TBC1D17: variants seen among roughly 807,000 people sequenced by gnomAD.
TBC1D17 encodes TBC1 domain family member 17.
TBC1D17 carries 69 observed loss-of-function variants against 78.8 expected under a neutral mutation model. The observed-to-expected ratio is 0.88, with a 90% CI of 0.72 to 1.07. The LOEUF (loss-of-function observed/expected upper bound fraction) is 1.07. Ranked by LOEUF, TBC1D17 falls within the 50% of genes least tolerant of loss-of-function variation. The pLI is 0.00. For synonymous variants in TBC1D17, 456 were observed against 358.3 expected, an observed-to-expected ratio of 1.27 and a Z score of -3.08; for missense variants, 957 against 861.0, an observed-to-expected ratio of 1.11 and a Z score of -1.39.
Position 49,884,310 on chromosome 19 carries a change from C to G in TBC1D17, c.1184C>G (p.Pro395Arg), listed in dbSNP as rs201849933. The G allele has an allele frequency of 1.2e-5, 20 of 1,613,996 alleles. No homozygotes were observed. In the Admixed American group the frequency reaches 3.3e-4, roughly 27 times the overall value. The change falls in exon 11 of 17, where the codon CCG becomes CGG. Residue 395 changes from proline (P) to arginine (R), a missense_variant. Physicochemically the swap from Pro to Arg is moderately radical, Grantham distance 103. Transcript: ENST00000221543. ...AAGTTCTACGAGGGTCCCGAGAACC[C>G]GGGGCTGGGCCTGCTGAACGATATC... ...TNKFYEGPEN[P>R]GLGLLNDILL...
chr19:49,884,042 G>A (rs2075037985), intron 10 of TBC1D17, among the ~76,000 whole-genome samples: 1 of 152,202 alleles, frequency 6.6e-6, no homozygotes, highest in South Asian at 2.1e-4. Context: ...CCTACTGTGG[G>A]AGGATATAGC....
At position 49,883,653 on chromosome 19, in the gene TBC1D17, A is replaced by T; in HGVS notation, c.1034A>T (p.Asp345Val). ...TCTTGTTTCCCTCTGTCACTCAGGG[A>T]TGAGTATTTCCGCATGAAGCTGCAG... ...EHKAHIRKKT[D>V]EYFRMKLQWK... The change falls in exon 10 of 17, where the codon GAT becomes GTT. Residue 345 changes from aspartate to valine, a missense_variant and splice_region_variant. Asp to Val is a radical substitution (Grantham distance 152). Transcript: ENST00000221543. 1.2e-6 allele frequency: 2 copies of T among 1,613,590 alleles called. No homozygotes were observed. The highest frequency in any genetic ancestry group is 1.7e-6 in the Non-Finnish European group (2 of 1,179,682).
chr19:49,884,410 C>G, intron 11 of TBC1D17, 41 bp downstream of exon 11: 1 of 1,613,880 alleles, frequency 6.2e-7, no homozygotes. Context: ...CGGGGCTGTC[C>G]AGGGGAGCGC....
Position 49,883,068 on chromosome 19 carries a change from C to A in TBC1D17, c.1023C>A (p.Arg341=). ...CTGAGGAGCACAAGGCCCACATACGCAAGAAAACGTGAGTTCTCAGGAGGC... is the reference window on the plus strand; with the variant it reads ...CTGAGGAGCACAAGGCCCACATACGAAAGAAAACGTGAGTTCTCAGGAGGC... ...GTAEEHKAHI[R]KKTDEYFRMK... is the part of the protein sequence containing the mutation. Residue 341 remains arginine, a synonymous_variant, in exon 9 of 17, where the codon CGC becomes CGA. Transcript: ENST00000221543. The A allele has an allele frequency of 6.2e-7, 1 of 1,606,580 alleles. No homozygotes were observed. Among genetic ancestry groups the A allele is most frequent in the Non-Finnish European group, 8.5e-7 (1 of 1,175,944 alleles).
rs2074975418 is a variant in TBC1D17 at position 49,878,127 on chromosome 19, G to C, written c.22-16G>C. 8 of 1,565,202 alleles carry C rather than the reference G, an allele frequency of 5.1e-6. No individual in the cohort carries two copies. Among genetic ancestry groups the C allele is most frequent in the Non-Finnish European group, 6.9e-6 (8 of 1,155,114 alleles). ...CTCGCTTGGGCCCCAGCCCTCGCTG[G>C]TTCCCCCCAACTCAGGTGGTGTTTG... On this transcript the variant is annotated splice_polypyrimidine_tract_variant and intron_variant, in intron 1 of 16. Transcript: ENST00000221543.
At chr19:49,888,387 C>T (rs752372726) in intron 16 of TBC1D17, 37 bp from the exon 17 acceptor site, 41 of 1,505,460 alleles carry the variant, frequency 2.7e-5, no homozygotes, top group Non-Finnish European at 3.2e-5. Context: ...CTCACCTTCA[C>T]CTTCCGCTTT....
intron 5 of TBC1D17, among the ~76,000 whole-genome samples, chr19:49,881,753 C>T (rs1173138771): frequency 6.6e-6 from 1 of 152,184 alleles, no homozygotes; most frequent in Non-Finnish European, 1.5e-5. Flanking sequence ...ATAGAAGGCA[C>T]CTCTTTCCCC....
chr19:49,888,501 C>T lies in TBC1D17; in HGVS notation c.1824C>T (p.Ser608=), dbSNP rs1451315117. ...CCCACAGCCCCTCGCCCACCGCCTC[C>T]CCGCTGCCTCTGTCGCCCACCCGGG... ...AEPHSPSPTA[S]PLPLSPTRAP... Residue 608 remains serine, a synonymous_variant, in exon 17 of 17, where the codon TCC becomes TCT. Coordinates refer to ENST00000221543, the MANE Select transcript of TBC1D17 (RefSeq NM_024682.3). 3 of 1,570,800 alleles carry T rather than the reference C, an allele frequency of 1.9e-6. No individual in the cohort carries two copies. The highest frequency in any genetic ancestry group is 1.7e-6 in the Non-Finnish European group (2 of 1,163,616).
In TBC1D17 at chr19:49,882,795, G is replaced by T. The variant is rs776396019; in HGVS notation, c.830G>T (p.Arg277Leu). 1 of 1,602,026 alleles carries T rather than the reference G, an allele frequency of 6.2e-7. No homozygotes were observed. Among genetic ancestry groups the T allele is most frequent in the Non-Finnish European group, 8.5e-7 (1 of 1,174,070 alleles). The change falls in exon 8 of 17, where the codon CGG becomes CTG. Residue 277 changes from arginine (R) to leucine (L), a missense_variant. Coordinates refer to ENST00000221543, the MANE Select transcript of TBC1D17 (RefSeq NM_024682.3). ...CTGGGGCCTCGGCCAACCGTGGAGCGGGGCCCTCCAGTTACAGAGGAGGAG... is the reference window on the plus strand; with the variant it reads ...CTGGGGCCTCGGCCAACCGTGGAGCTGGGCCCTCCAGTTACAGAGGAGGAG... ...VELGPRPTVE[R>L]GPPVTEEEWA... is the part of the protein sequence containing the mutation.
chr19:49,878,045 C>A, intron 1 of TBC1D17, 98 bp from the exon 2 acceptor site: 1 of 1,021,960 alleles, frequency 9.8e-7, no homozygotes, highest in African/African-American at 1.6e-5. Flanking sequence ...CCCGGCCCCG[C>A]CCCCTGAGGG....
In TBC1D17 at chr19:49,884,548, A is replaced by C. The variant is rs780938906; in HGVS notation, c.1333A>C (p.Met445Leu). The change falls in exon 12 of 17, where the codon ATG becomes CTG. Residue 445 changes from methionine to leucine, a missense_variant. Physicochemically the swap from Met to Leu is conservative, Grantham distance 15. Transcript: ENST00000221543. The part of the protein sequence containing the change: ...VDAFWCFCGF[M>L]ELVQGNFEES... ...TGCTTTCTGGTGTTTCTGTGGCTTC[A>C]TGGAGCTCGTGGTGAGGCTTGGGTC... The C allele has an allele frequency of 6.2e-7, 1 of 1,614,016 alleles. No homozygotes were observed. The highest frequency in any genetic ancestry group is 8.5e-7 in the Non-Finnish European group (1 of 1,180,020).
At chr19:49,884,963 C>T (rs139673203) in intron 13 of TBC1D17, among the ~76,000 whole-genome samples, 4 of 152,308 alleles carry the variant, frequency 2.6e-5, no homozygotes, top group Non-Finnish European at 4.4e-5. Flanking sequence ...TGACTCACCC[C>T]GTCCTCATGC....
intron 13 of TBC1D17, among the ~76,000 whole-genome samples, chr19:49,885,700 C>T (rs969785968): frequency 6.6e-6 from 1 of 151,312 alleles, no homozygotes; most frequent in African/African-American, 2.4e-5. Flanking sequence ...GCAATGTCAT[C>T]CTGGGATCAC....
At chr19:49,878,378 G>T in intron 2 of TBC1D17, 120 bp from the exon 3 acceptor site, 1 of 1,251,808 alleles carries the variant, frequency 8.0e-7, no homozygotes. Context: ...GAACTGGAAT[G>T]AGGGGCGGGA....
At position 49,888,645 on chromosome 19, in the gene TBC1D17, C is replaced by G. The variant is rs1452988335; in HGVS notation, c.*21C>G. The G allele has an allele frequency of 6.6e-7, 1 of 1,524,858 alleles. No individual in the cohort carries two copies. The highest frequency in any genetic ancestry group is 8.8e-7 in the Non-Finnish European group (1 of 1,140,564). 94.5% of individuals were successfully genotyped at this position (1,524,858 alleles called of 1,614,324 possible). On this transcript the variant is annotated 3_prime_UTR_variant, in exon 17 of 17. Transcript: ENST00000221543. ...CCTAACCCCGCCAGGCAGCCTCGTT[C>G]TGCACAGGCACTTTAGCCCGAGCCA...
chr19:49,881,015 A>C (rs995112845), intron 4 of TBC1D17, among the ~76,000 whole-genome samples: 2 of 152,154 alleles, frequency 1.3e-5, no homozygotes, highest in Non-Finnish European at 2.9e-5. Flanking sequence ...CTCGAGTGCC[A>C]GGTTGAGGAA....
chr19:49,883,579 G>A, intron 9 of TBC1D17, 72 bp from the exon 10 acceptor site: 1 of 1,389,880 alleles, frequency 7.2e-7, no homozygotes, highest in Non-Finnish European at 1.0e-6. Flanking sequence ...CTGGGAGGTG[G>A]CGCCAGGCTT....
chr19:49,882,783 C>G lies in TBC1D17; in HGVS notation c.818C>G (p.Pro273Arg). Residue 273 changes from proline (P) to arginine (R), a missense_variant, in exon 8 of 17, where the codon CCA becomes CGA. By Grantham distance (103) the Pro-to-Arg change is moderately radical. Coordinates refer to ENST00000221543, the MANE Select transcript of TBC1D17 (RefSeq NM_024682.3). ...VISCVELGPR[P>R]TVERGPPVTE... is the part of the protein sequence containing the mutation. ...CTGCAGGTGGAGCTGGGGCCTCGGC[C>G]AACCGTGGAGCGGGGCCCTCCAGTT... is the stretch of plus-strand genomic sequence containing the variant. 1 of 1,584,712 alleles carries G rather than the reference C, an allele frequency of 6.3e-7. No individual in the cohort carries two copies. The highest frequency in any genetic ancestry group is 8.6e-7 in the Non-Finnish European group (1 of 1,165,910).
chr19:49,882,002 T>A, intron 5 of TBC1D17, 39 bp from the exon 6 acceptor site: 1 of 1,555,734 alleles, frequency 6.4e-7, no homozygotes, highest in East Asian at 2.2e-5. Flanking sequence ...ACTGGGCCCC[T>A]ACCTGTGCAT....
Sources: gnomAD v4.1 joint callset for allele counts (sites outside exome capture counted in the v4.1 genomes callset) on GRCh38, gnomAD v4.1.1 for gene constraint, MANE v1.5 for transcripts, NCBI Gene and HGNC (gene_info 2026-07-23, HGNC 2026-07-21) for gene names.